Variants in RAB3C observed in about 807,000 individuals in gnomAD.
RAB3C encodes the protein ras-related protein Rab-3C.
RAB3C carries 17 observed loss-of-function variants against 26.4 expected under a neutral mutation model. The observed-to-expected ratio is 0.64, with a 90% CI of 0.44 to 0.97. The LOEUF (loss-of-function observed/expected upper bound fraction) is 0.97. Among genes scored for constraint, RAB3C ranks in the 50% least tolerant of loss-of-function variants. The pLI is 0.00. For synonymous variants in RAB3C, 91 were observed against 95.9 expected, an observed-to-expected ratio of 0.95 and a Z score of 0.30; for missense variants, 242 against 281.9, an observed-to-expected ratio of 0.86 and a Z score of 1.01.
intron 2 of RAB3C, among the ~76,000 whole-genome samples, chr5:58,709,602 C>T (rs982899627): frequency 3.0e-4 from 46 of 152,196 alleles, no homozygotes; most frequent in South Asian, 2.1e-4. Context: ...GGTAGGAAGT[C>T]ACTCTTCAGA....
At chr5:58,769,619 T>C (rs1741985303) in intron 3 of RAB3C, among the ~76,000 whole-genome samples, 1 of 152,196 alleles carries the variant, frequency 6.6e-6, no homozygotes, top group Non-Finnish European at 1.5e-5. Flanking sequence ...TTTTAGTGTA[T>C]AATTTTATTA....
chr5:58,583,164 C>G lies in RAB3C; in HGVS notation c.-45C>G. The stretch of plus-strand genomic sequence containing the variant: ...GACTGTGCACGCTTGACCGGAAGCC[C>G]AGACCAGTGCGGTCCTAGCCAGAGA... On this transcript the variant is annotated 5_prime_UTR_variant, in exon 1 of 5. Coordinates refer to ENST00000282878, the MANE Select transcript of RAB3C (RefSeq NM_138453.4). 1 of 1,613,932 alleles carries G rather than the reference C, an allele frequency of 6.2e-7. No individual in the cohort carries two copies. The highest frequency in any genetic ancestry group is 1.1e-5 in the South Asian group (1 of 91,052).
chr5:58,599,146 T>C (rs1451779551), intron 1 of RAB3C, among the ~76,000 whole-genome samples: 1 of 152,178 alleles, frequency 6.6e-6, no homozygotes, highest in Non-Finnish European at 1.5e-5. Context: ...TCAGGGCATG[T>C]GCTCTTATCC....
chr5:58,619,925 G>T (rs1746899806), intron 2 of RAB3C, among the ~76,000 whole-genome samples: 1 of 151,124 alleles, frequency 6.6e-6, no homozygotes, highest in Non-Finnish European at 1.5e-5. Flanking sequence ...GATGAATATA[G>T]CTCTTCTCTG....
chr5:58,639,290 A>G (rs1747360538), intron 2 of RAB3C, among the ~76,000 whole-genome samples: 1 of 152,178 alleles, frequency 6.6e-6, no homozygotes, highest in African/African-American at 2.4e-5. Context: ...TGCATGATAT[A>G]TCTTTACATT....
At chr5:58,789,532 A>T (rs1742472347) in intron 3 of RAB3C, among the ~76,000 whole-genome samples, 1 of 152,196 alleles carries the variant, frequency 6.6e-6, no homozygotes, top group Non-Finnish European at 1.5e-5. Flanking sequence ...TCTGAAAGTC[A>T]ATACTATTCC....
At chr5:58,585,393 CT>C (rs959785145) in intron 1 of RAB3C, among the ~76,000 whole-genome samples, 15 of 151,114 alleles carry the variant, frequency 9.9e-5, no homozygotes, top group South Asian at 6.3e-4. Flanking sequence ...AAATAATTGA[CT>C]TTTTTTTTCA....
At chr5:58,679,766 G>T (rs1748308841) in intron 2 of RAB3C, among the ~76,000 whole-genome samples, 1 of 152,138 alleles carries the variant, frequency 6.6e-6, no homozygotes. Flanking sequence ...CAGAATCAGA[G>T]AATCCAAATG....
rs762653092 is a variant in RAB3C at position 58,828,901 on chromosome 5, C to CTTTTT, written c.496+3756_496+3760dup. 1.1e-4 allele frequency among the ~76,000 whole-genome samples: 13 copies of CTTTTT among 122,426 alleles called. 2 individuals are homozygous for CTTTTT. Among genetic ancestry groups the CTTTTT allele is most frequent in the African/African-American group, 1.5e-4 (5 of 32,726 alleles). The allele number at this position is 122,426 out of a possible 152,430, so 80.3% of individuals were successfully genotyped here. On this transcript the variant is annotated intron_variant, in intron 4 of 4. Transcript: ENST00000282878. ...CTATAGCTGGTGTTATTTTACCATG[C>CTTTTT]TTTTTTTTTTTTTTTTTTTTTGGAT...
At chr5:58,785,813 C>A (rs1219880803) in intron 3 of RAB3C, among the ~76,000 whole-genome samples, 1 of 152,224 alleles carries the variant, frequency 6.6e-6, no homozygotes, top group Non-Finnish European at 1.5e-5. Flanking sequence ...CTGGATTATT[C>A]AGGTAAATCT....
At chr5:58,733,627 A>C (rs1419045100) in intron 3 of RAB3C, among the ~76,000 whole-genome samples, 1 of 152,198 alleles carries the variant, frequency 6.6e-6, no homozygotes, top group Non-Finnish European at 1.5e-5. Flanking sequence ...TTGATTTAAG[A>C]AATAAATTAA....
intron 1 of RAB3C, among the ~76,000 whole-genome samples, chr5:58,595,248 C>T (rs887892340): frequency 1.2e-4 from 19 of 152,126 alleles, no homozygotes; most frequent in Non-Finnish European, 2.6e-4. Context: ...ATCACTGGTC[C>T]TCAGAAGGTT....
chr5:58,666,935 C>A (rs1288384775), intron 2 of RAB3C, among the ~76,000 whole-genome samples: 2 of 152,196 alleles, frequency 1.3e-5, no homozygotes, highest in South Asian at 2.1e-4. Context: ...TTTATTGCAT[C>A]TGAACATTTG....
chr5:58,653,478 A>G (rs1579839688), intron 2 of RAB3C, among the ~76,000 whole-genome samples: 1 of 152,200 alleles, frequency 6.6e-6, no homozygotes, highest in Non-Finnish European at 1.5e-5. Flanking sequence ...AAATCATTCT[A>G]CTATAAAAAC....
intron 2 of RAB3C, among the ~76,000 whole-genome samples, chr5:58,716,411 T>A (rs1749175170): frequency 6.6e-6 from 1 of 152,116 alleles, no homozygotes. Context: ...AACCTAATAT[T>A]CAGAAAGAGG....
At chr5:58,811,355 ATGTG>A (rs1743085597) in intron 3 of RAB3C, among the ~76,000 whole-genome samples, 2 of 139,726 alleles carry the variant, frequency 1.4e-5, no homozygotes, top group South Asian at 4.3e-4. Flanking sequence ...GTGTGTGTGT[ATGTG>A]TGTGTATGTG....
intron 3 of RAB3C, among the ~76,000 whole-genome samples, chr5:58,739,168 G>C (rs1741220630): frequency 6.6e-6 from 1 of 152,164 alleles, no homozygotes; most frequent in African/African-American, 2.4e-5. Flanking sequence ...TGAATACACT[G>C]TCCATCAAGT....
chr5:58,712,429 C>T (rs894529440), intron 2 of RAB3C, among the ~76,000 whole-genome samples: 2 of 152,104 alleles, frequency 1.3e-5, no homozygotes, highest in African/African-American at 2.4e-5. Flanking sequence ...TGAGTCCAAA[C>T]ATCAATTTCA....
At chr5:58,636,778 G>A (rs551717744) in intron 2 of RAB3C, among the ~76,000 whole-genome samples, 1 of 152,242 alleles carries the variant, frequency 6.6e-6, no homozygotes, top group South Asian at 2.1e-4. Context: ...CAATGAGAAG[G>A]CAATAACAGA....
Sources: allele counts gnomAD v4.1 joint callset (sites outside exome capture counted in the v4.1 genomes callset), GRCh38; gene constraint gnomAD v4.1.1; transcripts MANE v1.5; gene names NCBI Gene and HGNC (gene_info 2026-07-23, HGNC 2026-07-21).